SYBU: variants seen among roughly 807,000 people sequenced by gnomAD.
The protein encoded by SYBU is syntabulin.
SYBU carries 21 observed loss-of-function variants against 35.9 expected under a neutral mutation model. The observed-to-expected ratio is 0.58, with a 90% CI of 0.41 to 0.84. SYBU has a LOEUF of 0.84. Among genes scored for constraint, SYBU ranks in the 40% least tolerant of loss-of-function variants. The pLI is 0.00. For synonymous variants in SYBU, 319 were observed against 324.3 expected, an observed-to-expected ratio of 0.98 and a Z score of 0.18; for missense variants, 768 against 848.2, an observed-to-expected ratio of 0.91 and a Z score of 1.17.
In SYBU at chr8:109,584,379, T is replaced by C. The variant is rs895062222; in HGVS notation, c.530+1681A>G. 1.3e-5 allele frequency among the ~76,000 whole-genome samples: 2 copies of C among 152,238 alleles called. No individual in the cohort carries two copies. Among genetic ancestry groups the C allele is most frequent in the African/African-American group, 4.8e-5 (2 of 41,474 alleles). On this transcript the variant is annotated intron_variant, in intron 4 of 6. Coordinates refer to ENST00000276646, the MANE Select transcript of SYBU (RefSeq NM_001099754.2). This position sits in a 1 kb window ranked among gnomAD's most constrained non-coding sequence, Gnocchi z 4.0. ...AACCTTGGAATTTAACCACAAACAC[T>C]GATTCCTTTGAAATATTTAAGTTGG...
At chr8:109,614,583 G>T (rs1030228673) in intron 3 of SYBU, among the ~76,000 whole-genome samples, 12 of 152,206 alleles carry the variant, frequency 7.9e-5, no homozygotes, top group African/African-American at 2.4e-4. Flanking sequence ...ACTTCCCCAC[G>T]CTCCTCCCAC....
chr8:109,662,916 T>C (rs1037376108), intron 1 of SYBU, among the ~76,000 whole-genome samples: 1 of 152,158 alleles, frequency 6.6e-6, no homozygotes, highest in Non-Finnish European at 1.5e-5. Context: ...TTTCTTTTTG[T>C]TCTCCCTAAG....
chr8:109,591,656 C>T (rs536342630), intron 3 of SYBU, among the ~76,000 whole-genome samples: 41 of 150,180 alleles, frequency 2.7e-4, no homozygotes, highest in African/African-American at 7.4e-4. Context: ...GGACTACAGG[C>T]GCCCGCCACC....
chr8:109,680,955 G>A (rs1384579176), exon 1 of SYBU: 1 of 152,216 alleles, frequency 6.6e-6, no homozygotes, highest in East Asian at 1.9e-4. Flanking sequence ...TGCTTACTCA[G>A]GGAACACTGA....
chr8:109,644,336 T>G (rs1483776446), intron 1 of SYBU: 1 of 595,352 alleles, frequency 1.7e-6, no homozygotes, highest in African/African-American at 1.8e-5. Flanking sequence ...TTCCTTTCAT[T>G]CACATCACAC....
intron 3 of SYBU, among the ~76,000 whole-genome samples, chr8:109,601,818 A>C (rs1363531192): frequency 6.6e-6 from 1 of 152,250 alleles, no homozygotes; most frequent in Non-Finnish European, 1.5e-5. Flanking sequence ...GAGAAAATGC[A>C]GCCAAAAAGG....
intron 1 of SYBU, among the ~76,000 whole-genome samples, chr8:109,690,279 T>C (rs1817617346): frequency 6.6e-6 from 1 of 152,228 alleles, no homozygotes; most frequent in Non-Finnish European, 1.5e-5. Context: ...TCTCCAAATG[T>C]ACAAGTGGAG....
intron 2 of SYBU, among the ~76,000 whole-genome samples, chr8:109,626,097 C>A (rs535498733): frequency 1.5e-3 from 235 of 152,186 alleles, no homozygotes; most frequent in African/African-American, 5.4e-3. Context: ...ATGAATTGTT[C>A]AAGTCCTTGA....
At chr8:109,610,472 G>A (rs74413092) in intron 3 of SYBU, among the ~76,000 whole-genome samples, 338 of 152,246 alleles carry the variant, frequency 2.2e-3, no homozygotes, top group Non-Finnish European at 3.4e-3. Context: ...CCTTCAGAGC[G>A]TCACCTTCTT....
At chr8:109,645,931 C>G (rs187694027), upstream of SYBU, 2 of 153,116 alleles carry the variant, frequency 1.3e-5, no homozygotes, top group Admixed American at 1.3e-4. Context: ...ACAGCTCTAT[C>G]CAGCTGATTG....
At chr8:109,662,896 T>C (rs1816616277) in intron 1 of SYBU, among the ~76,000 whole-genome samples, 1 of 152,210 alleles carries the variant, frequency 6.6e-6, no homozygotes, top group African/African-American at 2.4e-5. Context: ...AAAGAAAGTA[T>C]ATGTCTCACT....
chr8:109,643,972 T>C, intron 1 of SYBU: 1 of 377,120 alleles, frequency 2.7e-6, no homozygotes, highest in South Asian at 2.0e-5. Flanking sequence ...CTCCAACCTC[T>C]GCCACTGAAA....
chr8:109,635,241 A>G (rs1274655154), intron 2 of SYBU, among the ~76,000 whole-genome samples: 1 of 152,174 alleles, frequency 6.6e-6, no homozygotes. Context: ...AGCACTGTTT[A>G]ATGCACATTT....
chr8:109,598,467 C>T (rs1205836120), intron 3 of SYBU, among the ~76,000 whole-genome samples: 1 of 152,188 alleles, frequency 6.6e-6, no homozygotes, highest in Admixed American at 6.5e-5. Flanking sequence ...CTTAACCTCT[C>T]TATGCCTAAG....
chr8:109,588,451 AT>A (rs1265628872), intron 3 of SYBU, among the ~76,000 whole-genome samples: 15 of 152,170 alleles, frequency 9.9e-5, no homozygotes, highest in African/African-American at 3.4e-4. Context: ...TCTGAAAGAG[AT>A]TAGAAGGCAC....
At chr8:109,644,933 G>A (rs1482268190), upstream of SYBU, 8 of 538,190 alleles carry the variant, frequency 1.5e-5, no homozygotes, top group Non-Finnish European at 1.7e-5. Context: ...GGCCTTCGGG[G>A]CAACTCGACC....
intron 1 of SYBU, among the ~76,000 whole-genome samples, chr8:109,688,749 A>C (rs1817576772): frequency 6.6e-6 from 1 of 151,416 alleles, no homozygotes; most frequent in South Asian, 2.1e-4. Flanking sequence ...GCAGACTCAA[A>C]ACCTCAGTAT....
chr8:109,678,134 C>CAAAAA (rs758399888), intron 1 of SYBU, among the ~76,000 whole-genome samples: 13 of 43,126 alleles, frequency 3.0e-4, no homozygotes, highest in African/African-American at 4.2e-4. Context: ...AACTCCACCT[C>CAAAAA]AAAAAAAAAA....
intron 2 of SYBU, among the ~76,000 whole-genome samples, chr8:109,625,649 T>G (rs7003744): frequency 0.29 from 43,883 of 152,050 alleles, 6,875 homozygotes; most frequent in East Asian, 0.41. Flanking sequence ...CTCAAACTCC[T>G]GAACTTAAGT....
Sources: gnomAD v4.1 joint callset for allele counts (sites outside exome capture counted in the v4.1 genomes callset) on GRCh38, gnomAD v4.1.1 for gene constraint, Gnocchi (gnomAD v3.1) non-coding constraint, MANE v1.5 for transcripts, NCBI Gene and HGNC (gene_info 2026-07-23, HGNC 2026-07-21) for gene names.